Variants in GTF3C5 observed in about 807,000 individuals in gnomAD.
GTF3C5 encodes the protein general transcription factor 3C polypeptide 5.
A neutral mutation model predicts 61.0 loss-of-function variants in GTF3C5; 47 were observed. The observed-to-expected ratio is 0.77, with a 90% CI of 0.61 to 0.98. The LOEUF is 0.98. Among genes scored for constraint, GTF3C5 ranks in the 50% least tolerant of loss-of-function variants. GTF3C5 has a pLI of 0.00. For synonymous variants in GTF3C5, 295 were observed against 275.4 expected, an observed-to-expected ratio of 1.07 and a Z score of -0.71; for missense variants, 659 against 703.3, an observed-to-expected ratio of 0.94 and a Z score of 0.71.
At chr9:133,042,603 C>T (rs1365561866) in intron 2 of GTF3C5, among the ~76,000 whole-genome samples, 1 of 152,228 alleles carries the variant, frequency 6.6e-6, no homozygotes, top group Non-Finnish European at 1.5e-5. Flanking sequence ...CAGTAGACCT[C>T]CAGTCTTTCC....
intron 8 of GTF3C5, chr9:133,055,220 C>A: frequency 6.6e-7 from 1 of 1,512,512 alleles, no homozygotes; most frequent in Non-Finnish European, 8.8e-7. Context: ...CTCACGTTTC[C>A]GTCAGTGCGG....
At chr9:133,057,281 G>T (rs1829965056) in intron 10 of GTF3C5, among the ~76,000 whole-genome samples, 1 of 152,202 alleles carries the variant, frequency 6.6e-6, no homozygotes, top group Admixed American at 6.5e-5. Flanking sequence ...GTGTGGCCCA[G>T]CCCCTTCCTG....
intron 9 of GTF3C5, among the ~76,000 whole-genome samples, chr9:133,056,473 G>C (rs1239145786): frequency 6.6e-6 from 1 of 152,226 alleles, no homozygotes; most frequent in Non-Finnish European, 1.5e-5. Context: ...GATGAGAGGA[G>C]ATGGGAACAC....
chr9:133,055,401 T>G, intron 8 of GTF3C5: 1 of 1,288,632 alleles, frequency 7.8e-7, no homozygotes, highest in Non-Finnish European at 1.0e-6. Context: ...TGCGAGGGAC[T>G]TGCTGTCCCC....
intron 5 of GTF3C5, among the ~76,000 whole-genome samples, chr9:133,052,605 G>T (rs1850420704): frequency 6.6e-6 from 1 of 151,998 alleles, no homozygotes; most frequent in Non-Finnish European, 1.5e-5. Flanking sequence ...TGATCCACAA[G>T]CATGTAAAGA....
chr9:133,055,595 T>C, intron 8 of GTF3C5: 2 of 985,434 alleles, frequency 2.0e-6, no homozygotes, highest in Non-Finnish European at 1.2e-6. Flanking sequence ...CACTAAGCCC[T>C]GCTTTTCCCA....
At chr9:133,041,461 C>T (rs912355297) in intron 1 of GTF3C5, among the ~76,000 whole-genome samples, 3 of 151,066 alleles carry the variant, frequency 2.0e-5, no homozygotes, top group Non-Finnish European at 4.4e-5. Context: ...AGCTGTCTCT[C>T]TCTCTCCCTC....
At chr9:133,051,729 G>T (rs567582256) in intron 4 of GTF3C5, among the ~76,000 whole-genome samples, 3 of 152,198 alleles carry the variant, frequency 2.0e-5, no homozygotes, top group African/African-American at 7.2e-5. Context: ...GGGCAGCATG[G>T]GGACCCTGGG....
At chr9:133,048,971 C>T (rs1379685708) in intron 3 of GTF3C5, among the ~76,000 whole-genome samples, 2 of 152,210 alleles carry the variant, frequency 1.3e-5, no homozygotes, top group Non-Finnish European at 2.9e-5. Context: ...CCACTGCCTC[C>T]TTGGCCCCTT....
chr9:133,034,644 G>T (rs1335367796), intron 1 of GTF3C5, among the ~76,000 whole-genome samples: 2 of 152,054 alleles, frequency 1.3e-5, no homozygotes, highest in Non-Finnish European at 2.9e-5. Flanking sequence ...CAGTAGTTAA[G>T]AGTACCAGAT....
At chr9:133,053,075 A>T (rs1850434783) in intron 5 of GTF3C5, among the ~76,000 whole-genome samples, 1 of 152,078 alleles carries the variant, frequency 6.6e-6, no homozygotes, top group Admixed American at 6.6e-5. Context: ...CCTAACCTCA[A>T]GTGATCTGCC....
intron 1 of GTF3C5, among the ~76,000 whole-genome samples, chr9:133,039,202 C>T (rs1849965214): frequency 6.6e-6 from 1 of 152,110 alleles, no homozygotes; most frequent in South Asian, 2.1e-4. Flanking sequence ...ACTAAAGTGG[C>T]CACTGGCAAT....
In GTF3C5 at chr9:133,058,162, G is replaced by T; in HGVS notation, c.*182G>T. On this transcript the variant is annotated 3_prime_UTR_variant, in exon 11 of 11. Coordinates refer to ENST00000372097, the MANE Select transcript of GTF3C5 (RefSeq NM_012087.4). Reference sequence around the variant, plus strand: ...CACTGGCTGTGACATGCTGCTTGGTGCTGCCTCTGGTCCTGAGGGGTTAGG... The same window carrying T: ...CACTGGCTGTGACATGCTGCTTGGTTCTGCCTCTGGTCCTGAGGGGTTAGG... The T allele has an allele frequency of 7.0e-7, 1 of 1,429,548 alleles. No individual in the cohort carries two copies. 88.6% of individuals were successfully genotyped at this position (1,429,548 alleles called of 1,614,324 possible).
intron 9 of GTF3C5, 69 bp downstream of exon 9, chr9:133,056,163 A>G: frequency 7.6e-7 from 1 of 1,316,590 alleles, no homozygotes; most frequent in Non-Finnish European, 1.1e-6. Flanking sequence ...GCGGTCTCTG[A>G]ACTCTTCCAC....
intron 1 of GTF3C5, among the ~76,000 whole-genome samples, chr9:133,039,770 G>A (rs570346939): frequency 2.0e-5 from 3 of 152,312 alleles, no homozygotes; most frequent in Admixed American, 6.5e-5. Flanking sequence ...GCCTAGTTCT[G>A]TAAATACTTG....
intron 8 of GTF3C5, chr9:133,055,185 G>C: frequency 6.5e-7 from 1 of 1,533,898 alleles, no homozygotes; most frequent in Non-Finnish European, 8.8e-7. Flanking sequence ...CATGTGGGCT[G>C]CAGCTGTGGC....
chr9:133,057,007 A>G, intron 10 of GTF3C5, 99 bp downstream of exon 10: 1 of 1,205,102 alleles, frequency 8.3e-7, no homozygotes, highest in Non-Finnish European at 1.1e-6. Flanking sequence ...AATGGCACCC[A>G]GGTGGCATCA....
intron 3 of GTF3C5, among the ~76,000 whole-genome samples, chr9:133,044,895 G>T (rs1282282041): frequency 5.0e-5 from 5 of 99,502 alleles, no homozygotes; most frequent in Non-Finnish European, 9.9e-5. Flanking sequence ...TGCACCCACC[G>T]CCACCCCCTG....
intron 4 of GTF3C5, among the ~76,000 whole-genome samples, chr9:133,051,472 G>A (rs148080170): frequency 1.5e-3 from 232 of 152,344 alleles, no homozygotes; most frequent in African/African-American, 4.6e-3. Flanking sequence ...CTTACGCAGT[G>A]TGCCTGTGGG....
Sources: allele counts gnomAD v4.1 joint callset (sites outside exome capture counted in the v4.1 genomes callset), GRCh38; gene constraint gnomAD v4.1.1; transcripts MANE v1.5; gene names NCBI Gene and HGNC (gene_info 2026-07-23, HGNC 2026-07-21).